NRXN3: variants seen among roughly 807,000 people sequenced by gnomAD.
NRXN3 encodes the protein neurexin III.
Under a neutral mutation model 137.6 loss-of-function variants are expected in NRXN3, and 32 were observed. That is an observed-to-expected ratio of 0.23 (90% CI 0.18 to 0.31). The LOEUF is 0.31. Ranked by LOEUF, NRXN3 falls within the 10% of genes least tolerant of loss-of-function variation. The pLI is 1.00. For synonymous variants in NRXN3, 798 were observed against 784.5 expected, an observed-to-expected ratio of 1.02 and a Z score of -0.29; for missense variants, 1,574 against 2,062.5, an observed-to-expected ratio of 0.76 and a Z score of 4.59.
At chr14:78,786,073 T>C (rs560984100) in intron 8 of NRXN3, among the ~76,000 whole-genome samples, 1 of 152,188 alleles carries the variant, frequency 6.6e-6, no homozygotes, top group Non-Finnish European at 1.5e-5. Context: ...ATAAGGTTAC[T>C]TCTATTCAGC....
chr14:79,815,937 C>T (rs1329103280), intron 20 of NRXN3, among the ~76,000 whole-genome samples: 1 of 152,038 alleles, frequency 6.6e-6, no homozygotes, highest in African/African-American at 2.4e-5. Flanking sequence ...ATACTTGTAA[C>T]TTTATATATA....
Position 78,715,003 on chromosome 14 carries a change from G to A in NRXN3, c.1908G>A (p.Lys636=). The change falls in exon 8 of 21, where the codon AAG becomes AAA. Residue 636 remains lysine, a synonymous_variant. Coordinates refer to ENST00000335750, the MANE Select transcript of NRXN3 (RefSeq NM_001330195.2). ...LAEMQNAAGV[K]SSCSRMSAKQ... Reference sequence around the variant, plus strand: ...AGATGCAGAATGCTGCGGGTGTCAAGTCCTCCTGTTCACGGATGAGTGCCA... The same window carrying A: ...AGATGCAGAATGCTGCGGGTGTCAAATCCTCCTGTTCACGGATGAGTGCCA... 1 of 1,614,164 alleles carries A rather than the reference G, an allele frequency of 6.2e-7. No homozygotes were observed. Among genetic ancestry groups the A allele is most frequent in the Non-Finnish European group, 8.5e-7 (1 of 1,180,040 alleles).
At chr14:78,974,170 G>T (rs1251944398) in intron 14 of NRXN3, among the ~76,000 whole-genome samples, 3 of 152,124 alleles carry the variant, frequency 2.0e-5, no homozygotes, top group Non-Finnish European at 2.9e-5. Flanking sequence ...TGTTGTTTTA[G>T]ACATTATGTT....
intron 19 of NRXN3, among the ~76,000 whole-genome samples, chr14:79,699,102 C>T (rs1329289642): frequency 1.3e-5 from 2 of 151,812 alleles, no homozygotes; most frequent in Non-Finnish European, 1.5e-5. Context: ...GCAATTTTAT[C>T]GTTTTCAAAA....
rs376191812 is a variant in NRXN3 at position 78,667,371 on chromosome 14, G to A, written c.1221+16045G>A. On this transcript the variant is annotated intron_variant, in intron 6 of 20. Transcript: ENST00000335750. ...TAAAGCCTTTAGCTGAATCTGTTTC[G>A]TAGTGAGTACTCAAGAAATACTAGC... 5.5e-4 allele frequency among the ~76,000 whole-genome samples: 83 copies of A among 152,234 alleles called. 1 individual carries two copies. In the South Asian group the frequency reaches 8.9e-3, roughly 16 times the overall value.
At chr14:79,492,972 A>T (rs1451621419) in intron 16 of NRXN3, among the ~76,000 whole-genome samples, 1 of 152,228 alleles carries the variant, frequency 6.6e-6, no homozygotes, top group Non-Finnish European at 1.5e-5. Context: ...TGCCAAAAAC[A>T]TGCCCAACAG....
intron 19 of NRXN3, among the ~76,000 whole-genome samples, chr14:79,781,667 T>G (rs1203070005): frequency 6.6e-6 from 1 of 152,176 alleles, no homozygotes; most frequent in Non-Finnish European, 1.5e-5. Context: ...TGACACCCAT[T>G]AGCATTTTGT....
chr14:79,851,865 A>G (rs2099392188), intron 20 of NRXN3, among the ~76,000 whole-genome samples: 1 of 152,080 alleles, frequency 6.6e-6, no homozygotes, highest in African/African-American at 2.4e-5. Flanking sequence ...CCTTATTGGC[A>G]TAGTTTTCCT....
At chr14:78,800,799 A>G (rs1595978405) in intron 8 of NRXN3, among the ~76,000 whole-genome samples, 1 of 152,254 alleles carries the variant, frequency 6.6e-6, no homozygotes, top group East Asian at 1.9e-4. Context: ...ATATGAGGGT[A>G]CGGGTGTTTT....
At chr14:79,481,249 G>C (rs930594657) in intron 16 of NRXN3, among the ~76,000 whole-genome samples, 2 of 152,160 alleles carry the variant, frequency 1.3e-5, no homozygotes, top group African/African-American at 4.8e-5. Context: ...CAGGCAGGGA[G>C]GATCTCCTTC....
chr14:79,025,287 T>C (rs2152461936), intron 15 of NRXN3, among the ~76,000 whole-genome samples: 1 of 152,306 alleles, frequency 6.6e-6, no homozygotes, highest in East Asian at 1.9e-4. Flanking sequence ...TGTGATTGGA[T>C]AGTTAAATAC....
intron 15 of NRXN3, among the ~76,000 whole-genome samples, chr14:79,190,731 G>A (rs1342533317): frequency 6.6e-6 from 1 of 152,112 alleles, no homozygotes. Context: ...ATCTCTTGGT[G>A]GAGATGCATG....
intron 15 of NRXN3, among the ~76,000 whole-genome samples, chr14:79,413,223 C>T (rs776680301): frequency 7.9e-5 from 12 of 152,254 alleles, no homozygotes; most frequent in Admixed American, 2.0e-4. Flanking sequence ...CTTTGCACCT[C>T]CTTAGGAAGA....
intron 15 of NRXN3, among the ~76,000 whole-genome samples, chr14:79,331,870 G>A (rs554896091): frequency 6.9e-6 from 1 of 144,664 alleles, no homozygotes; most frequent in East Asian, 2.0e-4. Flanking sequence ...GTGTGTGTGT[G>A]TGAAAGTACT....
At chr14:79,797,199 GACAGAATGCAATATCTTTAGCTC>G (rs1444985153) in intron 19 of NRXN3, among the ~76,000 whole-genome samples, 1 of 152,162 alleles carries the variant, frequency 6.6e-6, no homozygotes, top group Non-Finnish European at 1.5e-5. Flanking sequence ...ATTTTGGTCA[GACAGAATGCAATATCTTTAGCTC>G]AGGGTGATTC....
intron 11 of NRXN3, among the ~76,000 whole-genome samples, chr14:78,958,970 T>C (rs1178949531): frequency 6.6e-6 from 1 of 152,248 alleles, no homozygotes; most frequent in Non-Finnish European, 1.5e-5. Context: ...GAGATAGATA[T>C]ACTAAACCTC....
At chr14:79,044,746 C>T (rs1005561741) in intron 15 of NRXN3, among the ~76,000 whole-genome samples, 6 of 151,772 alleles carry the variant, frequency 4.0e-5, no homozygotes, top group African/African-American at 1.2e-4. Flanking sequence ...ATATGTACAA[C>T]CTGCATCGTC....
At chr14:79,722,215 A>C (rs1459891425) in intron 19 of NRXN3, among the ~76,000 whole-genome samples, 1 of 151,974 alleles carries the variant, frequency 6.6e-6, no homozygotes, top group African/African-American at 2.4e-5. Flanking sequence ...GTTCCTTCTG[A>C]CTTTAGTAAT....
At chr14:79,713,369 T>TACTAA (rs1218200702) in intron 19 of NRXN3, among the ~76,000 whole-genome samples, 3 of 149,410 alleles carry the variant, frequency 2.0e-5, no homozygotes, top group African/African-American at 7.3e-5. Flanking sequence ...GCTAAGCTAT[T>TACTAA]ACTAAACTAT....
Sources: gnomAD v4.1 joint callset for allele counts (sites outside exome capture counted in the v4.1 genomes callset) on GRCh38, gnomAD v4.1.1 for gene constraint, MANE v1.5 for transcripts, NCBI Gene and HGNC (gene_info 2026-07-23, HGNC 2026-07-21) for gene names.